The following SOD2 variants were observed in gnomAD, a reference collection of about 807,000 sequenced individuals.
The protein encoded by SOD2 is superoxide dismutase [Mn], mitochondrial.
Under a neutral mutation model 27.0 loss-of-function variants are expected in SOD2, and 11 were observed. The observed-to-expected ratio is 0.41, with a 90% CI of 0.26 to 0.67. SOD2 has a LOEUF of 0.67. Ranked by LOEUF, SOD2 falls within the 30% of genes least tolerant of loss-of-function variation. The pLI, the probability that SOD2 is intolerant of heterozygous loss-of-function variation, is 0.34. For missense variants in SOD2, 250 were observed against 274.5 expected, an observed-to-expected ratio of 0.91 and a Z score of 0.63; for synonymous variants, 105 against 103.0, an observed-to-expected ratio of 1.02 and a Z score of -0.12.
At chr6:159,745,501 A>G (rs983519088), upstream of SOD2, among the ~76,000 whole-genome samples, 2 of 151,914 alleles carry the variant, frequency 1.3e-5, no homozygotes, top group African/African-American at 4.8e-5. Context: ...CTGTTCTTCC[A>G]ATTATAATAC....
intron 1 of SOD2, chr6:159,760,669 G>T (rs1468137712): frequency 2.0e-4 from 30 of 152,290 alleles, no homozygotes; most frequent in Non-Finnish European, 1.5e-5. Context: ...GGTGGTGATT[G>T]ATGCCGTAGG....
chr6:159,754,886 A>C, intron 1 of SOD2: 1 of 959,916 alleles, frequency 1.0e-6, no homozygotes, highest in South Asian at 2.3e-5. Flanking sequence ...TTCCAAGCAA[A>C]ATTTTTAAAT....
intron 1 of SOD2, chr6:159,739,169 T>C: frequency 1.3e-6 from 1 of 765,566 alleles, no homozygotes; most frequent in Non-Finnish European, 2.0e-6. Context: ...TAATTTAATG[T>C]ACTTTTTGAG....
chr6:159,739,059 T>C, intron 1 of SOD2: 1 of 1,605,916 alleles, frequency 6.2e-7, no homozygotes, highest in Non-Finnish European at 8.5e-7. Flanking sequence ...AAATGTTCTC[T>C]GTTCAAAAAC....
upstream of SOD2, chr6:159,693,242 G>A (rs1583023163): frequency 5.7e-6 from 8 of 1,391,412 alleles, no homozygotes; most frequent in Admixed American, 2.2e-5. Flanking sequence ...AGCCACGAGT[G>A]CCGCTCCTGC....
chr6:159,729,077 ACAATGTG>A, upstream of SOD2, among the ~76,000 whole-genome samples: 1 of 152,350 alleles, frequency 6.6e-6, no homozygotes, highest in African/African-American at 2.4e-5. Context: ...GAGATGAAAC[ACAATGTG>A]TAAAAAGCCC....
Position 159,727,123 on chromosome 6 carries a change from C to CCTTACTGAG in SOD2, c.-119_-116+5dup, listed in dbSNP as rs1778215898. On this transcript the variant is annotated splice_donor_region_variant and intron_variant, in intron 1 of 2. Transcript: ENST00000401980. ...GCCCGCCCCTCCCCTCGGCCGCTTC[C>CCTTACTGAG]CTTACTGAGCTTGCTGAGCTCCGGG... 1.1e-5 allele frequency: 13 copies of CCTTACTGAG among 1,195,392 alleles called. No homozygotes were observed. In the South Asian group the frequency reaches 1.4e-4, roughly 12 times the overall value. The allele number at this position is 1,195,392 out of a possible 1,614,324, so 74.0% of individuals were successfully genotyped here.
At position 159,670,720 on chromosome 6, in the gene SOD2, CT is replaced by C. The variant is rs1184504840; in HGVS notation, c.*11772del. 1 of 152,856 alleles carries C rather than the reference CT, an allele frequency of 6.5e-6. No individual in the cohort carries two copies. Among genetic ancestry groups the C allele is most frequent in the Non-Finnish European group, 1.5e-5 (1 of 68,624 alleles). 9.5% of individuals were successfully genotyped at this position (152,856 alleles called of 1,614,324 possible). ...CAACTGAGGTACCAGGTTCATCTCACTGGGGCTTGTTGGACAGTGGGTGTAG... is the reference window on the plus strand; with the variant it reads ...CAACTGAGGTACCAGGTTCATCTCACGGGGCTTGTTGGACAGTGGGTGTAG... On this transcript the variant is annotated 3_prime_UTR_variant, in exon 5 of 5. Coordinates refer to ENST00000538183, the MANE Select transcript of SOD2 (RefSeq NM_000636.4).
chr6:159,730,958 T>A (rs1022398528), upstream of SOD2: 4 of 151,526 alleles, frequency 2.6e-5, no homozygotes, highest in African/African-American at 9.7e-5. Flanking sequence ...AGTGAAACGC[T>A]GTCTCTACTA....
chr6:159,679,842 G>T lies in SOD2; in HGVS notation c.*2651C>A, dbSNP rs574411487. 1 of 151,970 alleles carries T rather than the reference G, an allele frequency of 6.6e-6. No homozygotes were observed. Among genetic ancestry groups the T allele is most frequent in the Admixed American group, 6.6e-5 (1 of 15,218 alleles). 9.4% of individuals were successfully genotyped at this position (151,970 alleles called of 1,614,324 possible). A position where few individuals can be genotyped will look rare whatever the true frequency, so the allele number is the denominator to read the frequency against. ...GACAGGGTTTCACCACGTTGGCCACGCTGGTCTTGAACTCCTTCAAGTGTT... is the reference window on the plus strand; with the variant it reads ...GACAGGGTTTCACCACGTTGGCCACTCTGGTCTTGAACTCCTTCAAGTGTT... On this transcript the variant is annotated 3_prime_UTR_variant, in exon 5 of 5. Transcript: ENST00000538183.
chr6:159,742,024 T>A, intron 1 of SOD2: 1 of 1,160,238 alleles, frequency 8.6e-7, no homozygotes, highest in East Asian at 2.5e-5. Flanking sequence ...TTTATAGATA[T>A]CTTCTAGTTT....
chr6:159,748,268 C>G, upstream of SOD2: 2 of 1,614,014 alleles, frequency 1.2e-6, no homozygotes, highest in Non-Finnish European at 1.7e-6. This position sits in a 1 kb window ranked among gnomAD's most constrained non-coding sequence, Gnocchi z 5.6. Flanking sequence ...ACCCAGCGAT[C>G]AACTTGTTTT....
chr6:159,745,155 T>G (rs1779498589), exon 1 of SOD2: 1 of 152,238 alleles, frequency 6.6e-6, no homozygotes, highest in African/African-American at 2.4e-5. Flanking sequence ...ACTTGGGAGA[T>G]AGAGTGTGAA....
chr6:159,759,872 ACT>A lies in SOD2; in HGVS notation c.-336+1163_-336+1164del, dbSNP rs375400735. On this transcript the variant is annotated intron_variant, in intron 1 of 7. Transcript: ENST00000546087. ...TCTAGATAGAGCCTTCAGGCAGGAA[ACT>A]CTATATCCCTTGGCTCCAGAAGAAT... Among the ~76,000 whole-genome samples, 85 of 151,978 alleles carry A rather than the reference ACT, an allele frequency of 5.6e-4. 1 individual carries two copies. The highest frequency in any genetic ancestry group is 1.4e-3 in the African/African-American group (58 of 41,450).
chr6:159,682,550 A>G lies in SOD2; in HGVS notation c.612T>C (p.Ile204=). ...CATTCTCCCAGTTGATTACATTCCA[A>G]ATAGCTTTTAGATAATCAGGCCTGA... ...KNVRPDYLKA[I]WNVINWENVT... Residue 204 remains isoleucine, a synonymous_variant, in exon 5 of 5, where the codon ATT becomes ATC. Transcript: ENST00000538183. The G allele has an allele frequency of 6.2e-7, 1 of 1,614,088 alleles. No individual in the cohort carries two copies. The highest frequency in any genetic ancestry group is 8.5e-7 in the Non-Finnish European group (1 of 1,179,984).
At chr6:159,761,935 A>C in exon 1 of SOD2, 1 of 921,350 alleles carries the variant, frequency 1.1e-6, no homozygotes, top group South Asian at 1.4e-5. Context: ...GCGCCTGCGC[A>C]CAGTGGGATG....
upstream of SOD2, among the ~76,000 whole-genome samples, chr6:159,728,811 C>T (rs1778388377): frequency 6.6e-6 from 1 of 152,170 alleles, no homozygotes; most frequent in African/African-American, 2.4e-5. Context: ...GTGTTTCTTA[C>T]AGTGCTTTTA....
chr6:159,749,938 CA>C (rs1262831687), upstream of SOD2, among the ~76,000 whole-genome samples: 1 of 152,080 alleles, frequency 6.6e-6, no homozygotes, highest in African/African-American at 2.4e-5. Flanking sequence ...ATAAATGTTC[CA>C]GCTTGTCCCA....
chr6:159,727,311 C>T, exon 1 of SOD2: 1 of 1,281,116 alleles, frequency 7.8e-7, no homozygotes, highest in Non-Finnish European at 1.0e-6. Flanking sequence ...TGACTGCGGC[C>T]ACGCCTGAAA....
Sources: gnomAD v4.1 joint callset for allele counts (sites outside exome capture counted in the v4.1 genomes callset) on GRCh38, gnomAD v4.1.1 for gene constraint, Gnocchi (gnomAD v3.1) non-coding constraint, MANE v1.5 for transcripts, NCBI Gene and HGNC (gene_info 2026-07-23, HGNC 2026-07-21) for gene names.